Variants in NBEAL1 observed in about 807,000 individuals in gnomAD.
NBEAL1 encodes the protein neurobeachin-like protein 1.
NBEAL1 carries 273 observed loss-of-function variants against 351.3 expected under a neutral mutation model. The observed-to-expected ratio is 0.78, with a 90% CI of 0.70 to 0.86. NBEAL1 has a LOEUF of 0.86. NBEAL1 is among the 40% of genes least tolerant of loss of function. The pLI, the probability that NBEAL1 is intolerant of heterozygous loss-of-function variation, is 0.00. For synonymous variants in NBEAL1, 1,050 were observed against 1,086.4 expected (o/e 0.97, Z 0.66); for missense variants, 2,961 against 3,201.3 (o/e 0.92, Z 1.81).
intron 4 of NBEAL1, among the ~76,000 whole-genome samples, chr2:203,055,032 T>G (rs560802536): frequency 6.6e-6 from 1 of 152,296 alleles, no homozygotes; most frequent in East Asian, 1.9e-4. Context: ...AAGTCATGAG[T>G]GCAAAAATGG....
intron 44 of NBEAL1, among the ~76,000 whole-genome samples, chr2:203,186,048 A>T (rs1358729798): frequency 6.6e-6 from 1 of 152,222 alleles, no homozygotes; most frequent in Non-Finnish European, 1.5e-5. Context: ...TCATTAGGGA[A>T]GGAATTGGCA....
intron 2 of NBEAL1, among the ~76,000 whole-genome samples, chr2:203,041,256 G>A (rs559749108): frequency 1.3e-5 from 2 of 152,288 alleles, no homozygotes; most frequent in East Asian, 1.9e-4. Context: ...CAAGCCCAGG[G>A]ACATAATTTA....
intron 4 of NBEAL1, among the ~76,000 whole-genome samples, chr2:203,053,066 A>T (rs1040518493): frequency 1.1e-4 from 17 of 152,168 alleles, no homozygotes; most frequent in African/African-American, 3.6e-4. Context: ...TTGCATACAC[A>T]TAAGTTTTCA....
chr2:203,147,446 A>G (rs1177251156), intron 33 of NBEAL1, among the ~76,000 whole-genome samples: 1 of 152,162 alleles, frequency 6.6e-6, no homozygotes, highest in Non-Finnish European at 1.5e-5. Context: ...CTTAGGTATC[A>G]ATCTAACAAA....
intron 2 of NBEAL1, among the ~76,000 whole-genome samples, chr2:203,020,619 C>T (rs529781444): frequency 8.2e-4 from 122 of 149,372 alleles, no homozygotes; most frequent in African/African-American, 2.8e-3. Flanking sequence ...TGCAGTGAGC[C>T]GAGATTACGC....
rs1242024802 is a variant in NBEAL1 at position 203,216,732 on chromosome 2, CATT to C, written c.8071-519_8071-517del. ...TTAATTGTTTAAATGTACACACTGA[CATT>C]AGAGCTTTCTCAAAGACAAAATAAG... On this transcript the variant is annotated intron_variant, in intron 55 of 55. Transcript: ENST00000683969. Among the ~76,000 whole-genome samples, 36 of 152,236 alleles carry C rather than the reference CATT, an allele frequency of 2.4e-4. No individual in the cohort carries two copies. The Middle Eastern group carries it at 0.017, about 72-fold the overall frequency.
In NBEAL1 at chr2:203,144,828, A is replaced by G. The variant is rs1480911939; in HGVS notation, c.5077A>G (p.Asn1693Asp). 8 of 1,613,492 alleles carry G rather than the reference A, an allele frequency of 5.0e-6. No individual in the cohort carries two copies. In the South Asian group the frequency reaches 8.8e-5, roughly 18 times the overall value. The change falls in exon 32 of 56, where the codon AAT (asparagine) becomes GAT (aspartate). Residue 1693 changes from asparagine to aspartate, a missense_variant. By Grantham distance (23) the Asn-to-Asp change is conservative (BLOSUM62 1). Coordinates refer to ENST00000683969, the MANE Select transcript of NBEAL1 (RefSeq NM_001378026.1). The part of the protein sequence containing the change: ...NLHLPSLPFT[N>D]GSSSFFEDFQ... ...GCACCTACCTTCTTTACCTTTTACC[A>G]ATGGTAGCTCCTCATTTTTTGAAGA...
At chr2:203,198,933 A>T (rs2065314665) in intron 48 of NBEAL1, among the ~76,000 whole-genome samples, 1 of 151,860 alleles carries the variant, frequency 6.6e-6, no homozygotes, top group Non-Finnish European at 1.5e-5. Flanking sequence ...CACGCCTGTC[A>T]TCCTAATGCT....
At chr2:203,144,960 A>T in intron 32 of NBEAL1, 51 bp from the exon 33 acceptor site, 1 of 1,503,972 alleles carries the variant, frequency 6.6e-7, no homozygotes. Flanking sequence ...ATTTTTATAG[A>T]GGTGAAGTCA....
rs567470425 is a variant in NBEAL1, at chr2:203,027,904, A to T, written c.51+11469A>T. 5.3e-5 allele frequency among the ~76,000 whole-genome samples: 8 copies of T among 150,828 alleles called. No individual in the cohort carries two copies. In the South Asian group the frequency reaches 1.3e-3, roughly 24 times the overall value. On this transcript the variant is annotated intron_variant, in intron 2 of 55. Coordinates refer to ENST00000683969, the MANE Select transcript of NBEAL1 (RefSeq NM_001378026.1). ...TTTCTGAACAATTTTTTTTTTTTTT[A>T]AATGGAGTCTCGCTCTGTCACCAGC... is the stretch of plus-strand genomic sequence containing the variant.
At chr2:203,208,491 G>C in intron 51 of NBEAL1, 146 bp from the exon 52 acceptor site, 3 of 544,744 alleles carry the variant, frequency 5.5e-6, no homozygotes, top group South Asian at 2.4e-5. Context: ...AGAAATGTAA[G>C]AATGAGTACT....
chr2:203,109,335 G>A (rs1436779955), intron 14 of NBEAL1, among the ~76,000 whole-genome samples: 1 of 152,044 alleles, frequency 6.6e-6, no homozygotes, highest in Non-Finnish European at 1.5e-5. Flanking sequence ...CTCCAGCCTG[G>A]GCAATAGAGT....
intron 7 of NBEAL1, 119 bp downstream of exon 7, chr2:203,068,594 G>A: frequency 3.7e-6 from 2 of 534,412 alleles, no homozygotes; most frequent in East Asian, 3.1e-5. Flanking sequence ...ATGGTTGTAA[G>A]AACATGTCAC....
intron 24 of NBEAL1, among the ~76,000 whole-genome samples, chr2:203,128,511 TG>T (rs1456505010): frequency 6.6e-6 from 1 of 152,078 alleles, no homozygotes; most frequent in Non-Finnish European, 1.5e-5. Context: ...ATGTTTCCTT[TG>T]GCAATTCTGA....
At chr2:203,095,587 G>A (rs1020630166) in intron 10 of NBEAL1, among the ~76,000 whole-genome samples, 4 of 150,504 alleles carry the variant, frequency 2.7e-5, no homozygotes, top group African/African-American at 4.9e-5. Flanking sequence ...CACCGCGCCC[G>A]GCCCAAGAAT....
intron 19 of NBEAL1, among the ~76,000 whole-genome samples, chr2:203,124,920 TCTAC>T (rs2062904975): frequency 6.6e-6 from 1 of 152,204 alleles, no homozygotes; most frequent in African/African-American, 2.4e-5. Flanking sequence ...AAATACCCTC[TCTAC>T]CTTTTTGTTA....
chr2:203,140,026 C>T (rs1575030756), intron 31 of NBEAL1, among the ~76,000 whole-genome samples: 2 of 151,794 alleles, frequency 1.3e-5, no homozygotes, highest in South Asian at 2.1e-4. Context: ...AGCGGCTGGG[C>T]GTGGTGGCTC....
At chr2:203,118,272 G>A (rs2062745537) in intron 18 of NBEAL1, among the ~76,000 whole-genome samples, 2 of 151,960 alleles carry the variant, frequency 1.3e-5, no homozygotes, top group South Asian at 4.2e-4. Flanking sequence ...TAAGAAAATG[G>A]CCCATAATTC....
At chr2:203,113,522 T>TAAAGC (rs2062619409) in intron 17 of NBEAL1, among the ~76,000 whole-genome samples, 1 of 152,150 alleles carries the variant, frequency 6.6e-6, no homozygotes, top group Admixed American at 6.5e-5. Flanking sequence ...TAGGCATAAA[T>TAAAGC]AAAGCAAACC....
Sources: allele counts gnomAD v4.1 joint callset (sites outside exome capture counted in the v4.1 genomes callset), GRCh38; gene constraint gnomAD v4.1.1; transcripts MANE v1.5; gene names NCBI Gene and HGNC (gene_info 2026-07-23, HGNC 2026-07-21).